TSPAN15: variants seen among roughly 807,000 people sequenced by gnomAD.
TSPAN15 encodes the protein tetraspanin 15.
A neutral mutation model predicts 34.5 loss-of-function variants in TSPAN15; 20 were observed. That is an observed-to-expected ratio of 0.58 (90% CI 0.41 to 0.84). The LOEUF (loss-of-function observed/expected upper bound fraction) is 0.84. TSPAN15 is among the 40% of genes least tolerant of loss of function. TSPAN15 has a pLI of 0.00. For synonymous variants in TSPAN15, 155 were observed against 153.9 expected (o/e 1.01, Z -0.05); for missense variants, 313 against 386.1 (o/e 0.81, Z 1.59).
the TSPAN15 span, among the ~76,000 whole-genome samples, chr10:69,545,366 A>C: frequency 1.3e-5 from 2 of 152,244 alleles, no homozygotes; most frequent in African/African-American, 4.8e-5. Flanking sequence ...TTCTCAGAAT[A>C]CTGGAGGAGA....
At chr10:69,496,622 C>T (rs1438418394) in intron 4 of TSPAN15, among the ~76,000 whole-genome samples, 1 of 152,196 alleles carries the variant, frequency 6.6e-6, no homozygotes, top group African/African-American at 2.4e-5. Flanking sequence ...GTGAGGGCTG[C>T]AGGCCCACTC....
chr10:69,534,918 G>A, the TSPAN15 span, among the ~76,000 whole-genome samples: 4 of 151,906 alleles, frequency 2.6e-5, no homozygotes, highest in African/African-American at 9.7e-5. Context: ...CCAGGAGGTC[G>A]AGGCTGCAGT....
chr10:69,525,568 C>T, the TSPAN15 span, among the ~76,000 whole-genome samples: 1 of 146,958 alleles, frequency 6.8e-6, no homozygotes. Context: ...CGCCTGTAAT[C>T]CCAGCACTTT....
chr10:69,482,728 C>G (rs2394567), intron 1 of TSPAN15, among the ~76,000 whole-genome samples: 1 of 58,862 alleles, frequency 1.7e-5, no homozygotes, highest in South Asian at 5.5e-4. Flanking sequence ...TGTCCAAGGC[C>G]CAGGGTTAGC....
chr10:69,544,318 T>C, the TSPAN15 span, among the ~76,000 whole-genome samples: 1 of 152,202 alleles, frequency 6.6e-6, no homozygotes, highest in Non-Finnish European at 1.5e-5. Context: ...TAATTCTAAA[T>C]AGAAATACAA....
chr10:69,508,220 A>G (rs943824523), downstream of TSPAN15, among the ~76,000 whole-genome samples: 1 of 152,048 alleles, frequency 6.6e-6, no homozygotes, highest in Non-Finnish European at 1.5e-5. Context: ...GAGGTGGGCC[A>G]TCACGAGGTC....
chr10:69,542,153 C>G, the TSPAN15 span, among the ~76,000 whole-genome samples: 2 of 152,106 alleles, frequency 1.3e-5, no homozygotes, highest in African/African-American at 4.8e-5. Flanking sequence ...TTCAAATTTC[C>G]ACAGATCTCT....
the TSPAN15 span, among the ~76,000 whole-genome samples, chr10:69,546,044 G>A: frequency 3.3e-5 from 5 of 152,092 alleles, no homozygotes; most frequent in African/African-American, 1.2e-4. Flanking sequence ...GGGTGGCCGA[G>A]TTTACCTTGT....
chr10:69,455,560 T>C (rs944109872), intron 1 of TSPAN15, among the ~76,000 whole-genome samples: 1 of 126,662 alleles, frequency 7.9e-6, no homozygotes, highest in African/African-American at 3.3e-5. Context: ...TCTCTCTCTC[T>C]TTCTTTCTTT....
chr10:69,527,960 G>A, the TSPAN15 span, among the ~76,000 whole-genome samples: 877 of 148,158 alleles, frequency 5.9e-3, 60 homozygotes, highest in African/African-American at 0.02. Flanking sequence ...CATTGTGTTG[G>A]GGGATCTTTG....
In TSPAN15 at chr10:69,507,463, C is replaced by T; in HGVS notation, c.*485C>T. Reference sequence around the variant, plus strand: ...GGCCAGGTTGGCCTCTTCTCAGCCTCCCAGGTGCCTTGAGCCCTCTTGCAA... The same window carrying T: ...GGCCAGGTTGGCCTCTTCTCAGCCTTCCAGGTGCCTTGAGCCCTCTTGCAA... On this transcript the variant is annotated 3_prime_UTR_variant, in exon 8 of 8. Transcript: ENST00000373290. 6.1e-6 allele frequency: 8 copies of T among 1,302,070 alleles called. No homozygotes were observed. The highest frequency in any genetic ancestry group is 8.1e-6 in the Non-Finnish European group (8 of 988,776). The allele number at this position is 1,302,070 out of a possible 1,614,324, so 80.7% of individuals were successfully genotyped here. A position where few individuals can be genotyped will look rare whatever the true frequency, so the allele number is the denominator to read the frequency against.
chr10:69,541,531 G>A, the TSPAN15 span, among the ~76,000 whole-genome samples: 1 of 152,204 alleles, frequency 6.6e-6, no homozygotes, highest in African/African-American at 2.4e-5. Context: ...GCTCCACCAG[G>A]CAGTGCCTCA....
chr10:69,504,221 C>G (rs1381968720), intron 5 of TSPAN15, among the ~76,000 whole-genome samples: 2 of 142,470 alleles, frequency 1.4e-5, no homozygotes, highest in Non-Finnish European at 1.5e-5. Flanking sequence ...AGTCATGGAA[C>G]CTGCATTCCT....
chr10:69,484,679 G>A (rs1841811408), intron 2 of TSPAN15, among the ~76,000 whole-genome samples: 1 of 152,182 alleles, frequency 6.6e-6, no homozygotes, highest in African/African-American at 2.4e-5. Flanking sequence ...AGGTGGGGGT[G>A]CATATCCTCT....
At chr10:69,513,230 T>C in the TSPAN15 span, among the ~76,000 whole-genome samples, 1 of 152,256 alleles carries the variant, frequency 6.6e-6, no homozygotes, top group Non-Finnish European at 1.5e-5. Flanking sequence ...ATTTCTTTGC[T>C]GAAGCGCCTT....
the TSPAN15 span, among the ~76,000 whole-genome samples, chr10:69,534,495 T>G: frequency 6.6e-6 from 1 of 152,222 alleles, no homozygotes; most frequent in South Asian, 2.1e-4. Flanking sequence ...AAAAATATTT[T>G]AAAACATTTT....
intron 1 of TSPAN15, among the ~76,000 whole-genome samples, chr10:69,482,975 T>TTGTTGTTG (rs1841769365): frequency 7.0e-6 from 1 of 143,796 alleles, no homozygotes; most frequent in African/African-American, 2.5e-5. Flanking sequence ...ATTTTTTTTT[T>TTGTTGTTG]TTGTTGTTGT....
At chr10:69,497,595 A>C (rs572292309) in intron 4 of TSPAN15, among the ~76,000 whole-genome samples, 1 of 151,878 alleles carries the variant, frequency 6.6e-6, no homozygotes, top group South Asian at 2.1e-4. Context: ...GCACCTTTCC[A>C]TCCAGTGCTC....
rs1231189511 is a variant in TSPAN15 at position 69,483,811 on chromosome 10, A to G, written c.217A>G (p.Met73Val). 1 of 1,614,032 alleles carries G rather than the reference A, an allele frequency of 6.2e-7. No homozygotes were observed. The highest frequency in any genetic ancestry group is 2.2e-5 in the East Asian group (1 of 44,854). ...AIILILLGVVMFMVSFIGVLA... is the reference protein window; with the variant it reads ...AIILILLGVVVFMVSFIGVLA... ...CATCCTCATCCTCCTGGGCGTCGTCATGTTCATGGTCTCCTTCATTGGTGT... is the reference window on the plus strand; with the variant it reads ...CATCCTCATCCTCCTGGGCGTCGTCGTGTTCATGGTCTCCTTCATTGGTGT... Residue 73 changes from methionine (M) to valine (V), a missense_variant, in exon 2 of 8, where the codon ATG becomes GTG. Transcript: ENST00000373290.
Sources: allele counts gnomAD v4.1 joint callset (sites outside exome capture counted in the v4.1 genomes callset), GRCh38; gene constraint gnomAD v4.1.1; transcripts MANE v1.5; gene names NCBI Gene and HGNC (gene_info 2026-07-23, HGNC 2026-07-21).